SCN9A: variants seen among roughly 807,000 people sequenced by gnomAD.
SCN9A encodes the protein sodium channel protein type 9 subunit alpha.
A neutral mutation model predicts 187.0 loss-of-function variants in SCN9A; 131 were observed. The ratio of observed to expected loss-of-function variants is 0.70; its 90% CI spans 0.61 to 0.81. The LOEUF (loss-of-function observed/expected upper bound fraction) is 0.81. Ranked by LOEUF, SCN9A falls within the 30% of genes least tolerant of loss-of-function variation. SCN9A has a pLI of 0.00. For synonymous variants in SCN9A, 809 were observed against 808.6 expected, an observed-to-expected ratio of 1.00 and a Z score of -0.01; for missense variants, 2,252 against 2,396.6, an observed-to-expected ratio of 0.94 and a Z score of 1.26.
chr2:166,271,759 G>A (rs981557277), intron 17 of SCN9A, among the ~76,000 whole-genome samples: 1 of 151,982 alleles, frequency 6.6e-6, no homozygotes, highest in Non-Finnish European at 1.5e-5. Context: ...TCAGGAGGTG[G>A]AGGCAGGAGG....
chr2:166,240,002 C>T (rs1392216023), intron 19 of SCN9A, among the ~76,000 whole-genome samples: 1 of 152,168 alleles, frequency 6.6e-6, no homozygotes, highest in East Asian at 1.9e-4. Flanking sequence ...TCATTTATTT[C>T]TGTTTTGTGT....
intron 2 of SCN9A, 114 bp from the exon 3 acceptor site, chr2:166,307,188 T>TGTAGAAAGGTAAA: frequency 1.6e-6 from 1 of 620,546 alleles, no homozygotes; most frequent in South Asian, 2.1e-5. Context: ...AACACTGCCA[T>TGTAGAAAGGTAAA]CAGACTCCAG....
At chr2:166,240,585 C>G (rs749152629) in intron 19 of SCN9A, among the ~76,000 whole-genome samples, 1 of 152,162 alleles carries the variant, frequency 6.6e-6, no homozygotes. Context: ...TGGGATAAAC[C>G]TCCTTAGTTA....
intron 1 of SCN9A, among the ~76,000 whole-genome samples, chr2:166,354,357 T>TC (rs1700105198): frequency 6.6e-6 from 1 of 151,884 alleles, no homozygotes; most frequent in African/African-American, 2.4e-5. Flanking sequence ...AAGTAGCTTT[T>TC]TTTTTCCCCA....
Position 166,198,654 on chromosome 2 carries a change from T to C in SCN9A, c.*18A>G, listed in dbSNP as rs150401869. The C allele has an allele frequency of 2.4e-4, 369 of 1,529,094 alleles. 1 individual carries two copies. In the East Asian group the frequency reaches 8.1e-3, roughly 34 times the overall value. The allele number at this position is 1,529,094 out of a possible 1,614,324, so 94.7% of individuals were successfully genotyped here. A position where few individuals can be genotyped will look rare whatever the true frequency, so the allele number is the denominator to read the frequency against. On this transcript the variant is annotated 3_prime_UTR_variant, in exon 27 of 27. Transcript: ENST00000642356. ...AATCACTTTCACAGGCTGTAAACAA[T>C]ATATCAAAAATGAAGCTCTATTTTT... is the stretch of plus-strand genomic sequence containing the variant.
At chr2:166,272,999 C>T (rs1178805343) in intron 16 of SCN9A, 124 bp from the exon 17 acceptor site, 1 of 468,182 alleles carries the variant, frequency 2.1e-6, no homozygotes, top group African/African-American at 2.0e-5. Flanking sequence ...GATTTCTGCA[C>T]CTTTTCACAC....
intron 9 of SCN9A, among the ~76,000 whole-genome samples, chr2:166,291,109 G>A (rs971467647): frequency 6.6e-6 from 1 of 152,010 alleles, no homozygotes; most frequent in African/African-American, 2.4e-5. Context: ...AGAAATAAAG[G>A]GTATTCAAAT....
intron 24 of SCN9A, among the ~76,000 whole-genome samples, chr2:166,218,179 T>C (rs192250137): frequency 7.5e-5 from 11 of 145,964 alleles, no homozygotes; most frequent in African/African-American, 2.8e-4. Flanking sequence ...CCAACATGAA[T>C]GAAACTAAAG....
At chr2:166,214,595 A>G (rs2106364654) in intron 24 of SCN9A, among the ~76,000 whole-genome samples, 1 of 123,560 alleles carries the variant, frequency 8.1e-6, no homozygotes, top group Non-Finnish European at 1.6e-5. Flanking sequence ...GCTCACTGCA[A>G]GCTCCGCCTC....
rs750921890 is a variant in SCN9A at position 166,284,568 on chromosome 2, C to T, written c.1859G>A (p.Ser620Asn). Residue 620 changes from serine to asparagine, a missense_variant, in exon 12 of 27, where the codon AGT becomes AAT. Coordinates refer to ENST00000642356, the MANE Select transcript of SCN9A (RefSeq NM_001365536.1). ...PMLPVNGKMH[S>N]AVDCNGVVSL... The stretch of plus-strand genomic sequence containing the variant: ...GACCACACCGTTGCAGTCCACAGCA[C>T]TGTGCATTTTCCCGTTCACCGGCAG... 8 of 1,614,174 alleles carry T rather than the reference C, an allele frequency of 5.0e-6. No individual in the cohort carries two copies. Among genetic ancestry groups the T allele is most frequent in the Middle Eastern group, 3.3e-4 (2 of 6,062 alleles).
chr2:166,307,111 C>A lies in SCN9A; in HGVS notation c.259-37G>T, dbSNP rs200830395. 19 of 1,196,058 alleles carry A rather than the reference C, an allele frequency of 1.6e-5. No individual in the cohort carries two copies. The South Asian group carries it at 2.0e-4, about 13-fold the overall frequency. 74.1% of individuals were successfully genotyped at this position (1,196,058 alleles called of 1,614,324 possible). A position where few individuals can be genotyped will look rare whatever the true frequency, so the allele number is the denominator to read the frequency against. On this transcript the variant is annotated intron_variant, in intron 2 of 26. Coordinates refer to ENST00000642356, the MANE Select transcript of SCN9A (RefSeq NM_001365536.1). ...AAAAGAAAGGATGAAATTGAGAATCCAAAATATCAATTTTTCACATCAATA... is the reference window on the plus strand; with the variant it reads ...AAAAGAAAGGATGAAATTGAGAATCAAAAATATCAATTTTTCACATCAATA...
At position 166,355,789 on chromosome 2, in the gene SCN9A, ATTT is replaced by A. The variant is rs10538478; in HGVS notation, c.-51+19905_-51+19907del. On this transcript the variant is annotated intron_variant, in intron 1 of 26. Coordinates refer to ENST00000642356, the MANE Select transcript of SCN9A (RefSeq NM_001365536.1). ...TGGGAAACATAGGCCTAGAAATGAG[ATTT>A]TTTTTTTTTTTTGACAGATTCTCAG... 3.8e-4 allele frequency among the ~76,000 whole-genome samples: 56 copies of A among 146,096 alleles called. 1 individual carries two copies. Among genetic ancestry groups the A allele is most frequent in the South Asian group, 1.5e-3 (7 of 4,642 alleles).
At chr2:166,349,482 T>C (rs778300575) in intron 1 of SCN9A, among the ~76,000 whole-genome samples, 1 of 152,224 alleles carries the variant, frequency 6.6e-6, no homozygotes, top group Non-Finnish European at 1.5e-5. Flanking sequence ...TTGAACCATA[T>C]GTTTTACTAA....
chr2:166,299,894 A>G (rs917445832), intron 7 of SCN9A, among the ~76,000 whole-genome samples: 3 of 150,828 alleles, frequency 2.0e-5, no homozygotes, highest in Non-Finnish European at 4.4e-5. Flanking sequence ...ATCACCACCC[A>G]TCCAGTTATT....
At chr2:166,296,896 A>C (rs1698323064) in intron 7 of SCN9A, among the ~76,000 whole-genome samples, 1 of 152,122 alleles carries the variant, frequency 6.6e-6, no homozygotes, top group Non-Finnish European at 1.5e-5. Context: ...GATGATTCTG[A>C]AAGATAAAGA....
At chr2:166,278,476 G>A (rs1337601625) in intron 14 of SCN9A, among the ~76,000 whole-genome samples, 163 bp from the exon 15 acceptor site, 2 of 152,094 alleles carry the variant, frequency 1.3e-5, no homozygotes, top group Non-Finnish European at 2.9e-5. Flanking sequence ...ATTAGGTATT[G>A]CTCTTCCCTG....
At chr2:166,288,162 T>C (rs1487091123) in intron 10 of SCN9A, among the ~76,000 whole-genome samples, 1 of 146,746 alleles carries the variant, frequency 6.8e-6, no homozygotes, top group African/African-American at 2.5e-5. Context: ...TATATAGACA[T>C]ACACACACAC....
chr2:166,258,335 G>A (rs949073961), intron 17 of SCN9A, among the ~76,000 whole-genome samples: 3 of 151,444 alleles, frequency 2.0e-5, no homozygotes, highest in East Asian at 3.9e-4. Flanking sequence ...TTTATAATAT[G>A]CTCTATCTAA....
At chr2:166,309,774 A>C (rs536910845) in intron 2 of SCN9A, among the ~76,000 whole-genome samples, 1 of 146,310 alleles carries the variant, frequency 6.8e-6, no homozygotes, top group South Asian at 2.2e-4. Flanking sequence ...TGGAACCAAA[A>C]AAGAGCCCGC....
Sources: allele counts gnomAD v4.1 joint callset (sites outside exome capture counted in the v4.1 genomes callset), GRCh38; gene constraint gnomAD v4.1.1; transcripts MANE v1.5; gene names NCBI Gene and HGNC (gene_info 2026-07-23, HGNC 2026-07-21).